WIPF3: variants seen among roughly 807,000 people sequenced by gnomAD.
WIPF3 encodes WAS/WASL interacting protein family member 3, also known as WAS/WASL-interacting protein family member 3.
In WIPF3, 33 loss-of-function variants were observed where a neutral mutation model predicts 38.9. The observed-to-expected ratio is 0.85, with a 90% confidence interval of 0.64 to 1.14. The LOEUF is 1.14. WIPF3 is among the 50% of genes most tolerant of loss of function. The probability of loss-of-function intolerance (pLI) is 0.00; values close to 1 mark genes in which losing one functional copy is unlikely to be tolerated. For synonymous variants in WIPF3, 324 were observed against 269.3 expected (o/e 1.20, Z -1.99); for missense variants, 711 against 652.5 (o/e 1.09, Z -0.98).
intron 3 of WIPF3, among the ~76,000 whole-genome samples, chr7:29,877,246 T>TGA (rs1785618578): frequency 6.6e-6 from 1 of 152,226 alleles, no homozygotes; most frequent in Non-Finnish European, 1.5e-5. Context: ...ATGAAGCAGA[T>TGA]GACTCTGGAG....
chr7:29,854,008 A>G (rs938584289), intron 2 of WIPF3, among the ~76,000 whole-genome samples: 1 of 152,218 alleles, frequency 6.6e-6, no homozygotes, highest in African/African-American at 2.4e-5. Context: ...CGGATGATTT[A>G]TGTATCACCT....
chr7:29,879,048 A>G lies in WIPF3; in HGVS notation c.263A>G (p.Asn88Ser). 2 of 1,605,330 alleles carry G rather than the reference A, an allele frequency of 1.2e-6. No individual in the cohort carries two copies. Among genetic ancestry groups the G allele is most frequent in the Non-Finnish European group, 1.7e-6 (2 of 1,175,266 alleles). Residue 88 changes from asparagine (N) to serine (S), a missense_variant, in exon 4 of 9, where the codon AAC becomes AGC. By Grantham distance (46) the Asn-to-Ser change is conservative. Transcript: ENST00000242140. ...GTNKEGGGSANTRGASTPPTL... is the reference protein window; with the variant it reads ...GTNKEGGGSASTRGASTPPTL... ...AACAAAGAAGGAGGAGGTTCTGCAA[A>G]CACACGAGGCGCGAGCACACCTCCC...
chr7:29,912,700 A>T (rs1304262384), intron 8 of WIPF3: 1 of 161,376 alleles, frequency 6.2e-6, no homozygotes, highest in Non-Finnish European at 1.4e-5. Context: ...ATGGATAAAC[A>T]AAATGTGATA....
intron 1 of WIPF3, among the ~76,000 whole-genome samples, chr7:29,814,167 C>T (rs558379751): frequency 6.6e-6 from 1 of 152,296 alleles, no homozygotes; most frequent in East Asian, 1.9e-4. Context: ...GATCTGTCTG[C>T]CTCCACCTCC....
intron 7 of WIPF3, among the ~76,000 whole-genome samples, chr7:29,893,451 G>A (rs867379179): frequency 1.3e-5 from 2 of 152,124 alleles, no homozygotes; most frequent in African/African-American, 4.8e-5. Context: ...CCATGATGTC[G>A]GCCGGGGTGC....
chr7:29,817,686 G>T (rs1784477866), intron 1 of WIPF3, among the ~76,000 whole-genome samples: 1 of 151,592 alleles, frequency 6.6e-6, no homozygotes, highest in Non-Finnish European at 1.5e-5. Flanking sequence ...CAATTTCCAG[G>T]CTCTCAGGTC....
intron 7 of WIPF3, among the ~76,000 whole-genome samples, chr7:29,890,976 A>G (rs1356915226): frequency 2.4e-4 from 14 of 57,848 alleles, no homozygotes; most frequent in East Asian, 5.0e-4. Context: ...GCTCAGGTGG[A>G]GGGGGCGAGG....
rs1015976009 is a variant in WIPF3 at position 29,806,644 on chromosome 7, G to C, written c.-92G>C. 6.6e-6 allele frequency: 1 copy of C among 151,524 alleles called. No homozygotes were observed. The highest frequency in any genetic ancestry group is 1.5e-5 in the Non-Finnish European group (1 of 67,882). 9.4% of individuals were successfully genotyped at this position (151,524 alleles called of 1,614,324 possible). Reference sequence around the variant, plus strand: ...GCGGCGGAGACGTCGGCCGGAGCTCGAGTCCAGTCCAGCCCCCGGCTCCGC... The same window carrying C: ...GCGGCGGAGACGTCGGCCGGAGCTCCAGTCCAGTCCAGCCCCCGGCTCCGC... On this transcript the variant is annotated 5_prime_UTR_variant, in exon 1 of 9. Coordinates refer to ENST00000242140, the MANE Select transcript of WIPF3 (RefSeq NM_001080529.3).
chr7:29,888,551 G>T (rs1785939123), intron 6 of WIPF3, among the ~76,000 whole-genome samples: 1 of 151,516 alleles, frequency 6.6e-6, no homozygotes, highest in Admixed American at 6.6e-5. Context: ...AGAAATCAAT[G>T]CATAAGCCTG....
chr7:29,825,283 T>C (rs1486648244), intron 1 of WIPF3, among the ~76,000 whole-genome samples: 1 of 152,166 alleles, frequency 6.6e-6, no homozygotes, highest in Non-Finnish European at 1.5e-5. Context: ...CACCGTGGTA[T>C]GTGTTTTCCT....
chr7:29,886,169 A>C (rs1785876059), intron 5 of WIPF3, among the ~76,000 whole-genome samples: 1 of 152,028 alleles, frequency 6.6e-6, no homozygotes, highest in Non-Finnish European at 1.5e-5. Context: ...TGGTGTCTTA[A>C]AGGGAATTCC....
At chr7:29,875,497 G>A (rs1311880853) in intron 2 of WIPF3, among the ~76,000 whole-genome samples, 3 of 152,128 alleles carry the variant, frequency 2.0e-5, no homozygotes, top group African/African-American at 7.2e-5. Flanking sequence ...CTGAGAGCAG[G>A]GGCCAGGTAC....
intron 1 of WIPF3, among the ~76,000 whole-genome samples, chr7:29,822,807 AT>A (rs1406199442): frequency 1.3e-5 from 2 of 152,204 alleles, no homozygotes; most frequent in African/African-American, 2.4e-5. Context: ...TCTTGAGATG[AT>A]TTCCAAGAAA....
At chr7:29,830,592 G>C (rs6950431) in intron 1 of WIPF3, among the ~76,000 whole-genome samples, 81,171 of 147,078 alleles carry the variant, frequency 0.55, 22,639 homozygotes, top group Middle Eastern at 0.63. Context: ...TGCACTCCAG[G>C]CTGGGTGACA....
At chr7:29,890,367 AAAAAAGAGAGAG>A (rs1330164373) in intron 7 of WIPF3, among the ~76,000 whole-genome samples, 8 of 144,246 alleles carry the variant, frequency 5.5e-5, no homozygotes, top group Non-Finnish European at 1.1e-4. Flanking sequence ...AAAAAAAAAA[AAAAAAGAGAGAG>A]AGAGAATGAG....
At chr7:29,814,104 A>G (rs946512602) in intron 1 of WIPF3, among the ~76,000 whole-genome samples, 1 of 152,076 alleles carries the variant, frequency 6.6e-6, no homozygotes. Context: ...TATTTTTAGT[A>G]GAGATGGGGT....
chr7:29,907,025 A>T (rs1407107171), intron 8 of WIPF3, among the ~76,000 whole-genome samples: 1 of 152,222 alleles, frequency 6.6e-6, no homozygotes, highest in Non-Finnish European at 1.5e-5. Context: ...TACCCAAGGG[A>T]GTCCTAAAGG....
chr7:29,811,254 T>TATGCTG (rs1784370543), intron 1 of WIPF3, among the ~76,000 whole-genome samples: 1 of 148,976 alleles, frequency 6.7e-6, no homozygotes, highest in African/African-American at 2.5e-5. Flanking sequence ...AATTAGCCAT[T>TATGCTG]ATGATGATGA....
chr7:29,818,024 CT>C (rs1296500843), intron 1 of WIPF3, among the ~76,000 whole-genome samples: 2 of 152,088 alleles, frequency 1.3e-5, no homozygotes, highest in Non-Finnish European at 2.9e-5. Context: ...CTTAGGTATA[CT>C]TTTTTAAAGT....
Sources: gnomAD v4.1 joint callset for allele counts (sites outside exome capture counted in the v4.1 genomes callset) on GRCh38, gnomAD v4.1.1 for gene constraint, MANE v1.5 for transcripts, NCBI Gene and HGNC (gene_info 2026-07-23, HGNC 2026-07-21) for gene names.